The following MAB21L1 variants were observed in gnomAD, a reference collection of about 807,000 sequenced individuals.
The protein encoded by MAB21L1 is putative nucleotidyltransferase MAB21L1.
A neutral mutation model predicts 28.9 loss-of-function variants in MAB21L1; 8 were observed. That is an observed-to-expected ratio of 0.28 (90% CI 0.16 to 0.50). MAB21L1 has a LOEUF of 0.50. MAB21L1 is among the 20% of genes least tolerant of loss of function. The pLI, the probability that MAB21L1 is intolerant of heterozygous loss-of-function variation, is 0.98. For synonymous variants in MAB21L1, 219 were observed against 198.2 expected (o/e 1.10, Z -0.88); for missense variants, 388 against 466.5 (o/e 0.83, Z 1.55).
rs1472920171 is a variant in MAB21L1 at position 35,474,552 on chromosome 13, A to G, written c.*507T>C. The G allele has an allele frequency of 6.5e-6, 1 of 153,010 alleles. No homozygotes were observed. Among genetic ancestry groups the G allele is most frequent in the Non-Finnish European group, 1.5e-5 (1 of 68,494 alleles). The allele number at this position is 153,010 out of a possible 1,614,324, so 9.5% of individuals were successfully genotyped here. On this transcript the variant is annotated 3_prime_UTR_variant, in exon 1 of 1. Coordinates refer to ENST00000379919, the MANE Select transcript of MAB21L1 (RefSeq NM_005584.5). ...ATGTCTGGAAGTATCCAGAATGGCA[A>G]TTTAAGTTCTGTTCACCAAATCACA...
In MAB21L1 at chr13:35,475,703, G is replaced by T; in HGVS notation, c.436C>A (p.Arg146=). 6.2e-7 allele frequency: 1 copy of T among 1,613,638 alleles called. No homozygotes were observed. The change falls in exon 1 of 1, where the codon CGG becomes AGG. Residue 146 remains arginine (R), a synonymous_variant. Transcript: ENST00000379919. ...TCTGCCACCATCTTTACCACATCCCGGTAGCTACATTTGTCTACCGCTTGA... is the reference window on the plus strand; with the variant it reads ...TCTGCCACCATCTTTACCACATCCCTGTAGCTACATTTGTCTACCGCTTGA... ...VAQAVDKCSY[R]DVVKMVADTS...
rs766862752 is a variant in MAB21L1, at chr13:35,475,282, G to A, written c.857C>T (p.Pro286Leu). 6.2e-7 allele frequency: 1 copy of A among 1,614,028 alleles called. No individual in the cohort carries two copies. Among genetic ancestry groups the A allele is most frequent in the Non-Finnish European group, 8.5e-7 (1 of 1,180,022 alleles). ...AGACTCGTCCCAGTCCGACTCTCGG[G>A]GATGCTTTTCACACTCGTAGGAAAC... ...TLVSYECEKH[P>L]RESDWDESCL... The change falls in exon 1 of 1, where the codon CCC becomes CTC. Residue 286 changes from proline to leucine, a missense_variant. Physicochemically the swap from Pro to Leu is moderately conservative, Grantham distance 98. Transcript: ENST00000379919.
rs753740350 is a variant in MAB21L1 at position 35,476,051 on chromosome 13, T to G, written c.88A>C (p.Thr30Pro). The G allele has an allele frequency of 6.2e-7, 1 of 1,614,160 alleles. No individual in the cohort carries two copies. The highest frequency in any genetic ancestry group is 8.5e-7 in the Non-Finnish European group (1 of 1,180,032). The stretch of plus-strand genomic sequence containing the variant: ...ACTACTTTGCAGACTTCCCGGATAG[T>G]TTTGGCAATGGCAGCTTTCCTGGCT... ...CQARKAAIAKTIREVCKVVSD... is the reference protein window; with the variant it reads ...CQARKAAIAKPIREVCKVVSD... Residue 30 changes from threonine to proline, a missense_variant, in exon 1 of 1, where the codon ACT (threonine) becomes CCT (proline). By Grantham distance (38) the Thr-to-Pro change is conservative (BLOSUM62 -1). Coordinates refer to ENST00000379919, the MANE Select transcript of MAB21L1 (RefSeq NM_005584.5).
At position 35,476,400 on chromosome 13, in the gene MAB21L1, A is replaced by G. The variant is rs1764091023; in HGVS notation, c.-262T>C. The G allele has an allele frequency of 9.4e-7, 1 of 1,062,972 alleles. No homozygotes were observed. Among genetic ancestry groups the G allele is most frequent in the African/African-American group, 1.5e-5 (1 of 64,534 alleles). 65.8% of individuals were successfully genotyped at this position (1,062,972 alleles called of 1,614,324 possible). On this transcript the variant is annotated 5_prime_UTR_variant, in exon 1 of 1. Coordinates refer to ENST00000379919, the MANE Select transcript of MAB21L1 (RefSeq NM_005584.5). ...TGAGCCCAGCCGTTCTTAAAGTGAA[A>G]GACTGTCCTCCCCCCTCTGCTTGTC...
At position 35,475,132 on chromosome 13, in the gene MAB21L1, T is replaced by A; in HGVS notation, c.1007A>T (p.Glu336Val). The A allele has an allele frequency of 6.2e-7, 1 of 1,614,144 alleles. No individual in the cohort carries two copies. Among genetic ancestry groups the A allele is most frequent in the East Asian group, 2.2e-5 (1 of 44,858 alleles). The change falls in exon 1 of 1, where the codon GAA becomes GTA. Residue 336 changes from glutamate to valine, a missense_variant. By Grantham distance (121) the Glu-to-Val change is moderately radical. This residue lies in a region of MAB21L1 where 218 missense variants were observed against 220.6 expected (regional missense o/e 0.99). Coordinates refer to ENST00000379919, the MANE Select transcript of MAB21L1 (RefSeq NM_005584.5). ...TCGCCACGTTTGTTTGGCAGCGTTT[T>A]CCAGAGCTGAGTGAGGTTTGCCTTG... ...LFQGKPHSAL[E>V]NAAKQTWRLA...
At position 35,474,770 on chromosome 13, in the gene MAB21L1, G is replaced by A. The variant is rs1162151512; in HGVS notation, c.*289C>T. 1 of 331,616 alleles carries A rather than the reference G, an allele frequency of 3.0e-6. No individual in the cohort carries two copies. Among genetic ancestry groups the A allele is most frequent in the Non-Finnish European group, 5.5e-6 (1 of 181,928 alleles). The allele number at this position is 331,616 out of a possible 1,614,324, so 20.5% of individuals were successfully genotyped here. A position where few individuals can be genotyped will look rare whatever the true frequency, so the allele number is the denominator to read the frequency against. ...GTGTTCGTCTCGGTCTGGCGTTACAGCTGGGCTGTTTACGGAGTGTTACGG... is the reference window on the plus strand; with the variant it reads ...GTGTTCGTCTCGGTCTGGCGTTACAACTGGGCTGTTTACGGAGTGTTACGG... On this transcript the variant is annotated 3_prime_UTR_variant, in exon 1 of 1. Transcript: ENST00000379919.
Position 35,475,580 on chromosome 13 carries a change from A to T in MAB21L1, c.559T>A (p.Trp187Arg). The T allele has an allele frequency of 6.2e-7, 1 of 1,613,484 alleles. No homozygotes were observed. Among genetic ancestry groups the T allele is most frequent in the African/African-American group, 1.3e-5 (1 of 74,874 alleles). Reference sequence around the variant, plus strand: ...GGCCAGGGGATGTGGGGAAGTGGCCAGTGGGCAGCACTCCTCGGCCAGATC... The same window carrying T: ...GGCCAGGGGATGTGGGGAAGTGGCCTGTGGGCAGCACTCCTCGGCCAGATC... ...TGIWPRSAAH[W>R]PLPHIPWPGP... is the part of the protein sequence containing the mutation. The change falls in exon 1 of 1, where the codon TGG becomes AGG. Residue 187 changes from tryptophan to arginine, a missense_variant. Trp to Arg is a moderately radical substitution (Grantham distance 101). Around this residue, in one of 3 missense-constraint regions of MAB21L1, gnomAD observed 218 missense variants for 220.6 expected, o/e 0.99. Coordinates refer to ENST00000379919, the MANE Select transcript of MAB21L1 (RefSeq NM_005584.5).
In MAB21L1 at chr13:35,475,923, G is replaced by T; in HGVS notation, c.216C>A (p.Thr72=). 1 of 1,614,168 alleles carries T rather than the reference G, an allele frequency of 6.2e-7. No individual in the cohort carries two copies. The highest frequency in any genetic ancestry group is 8.5e-7 in the Non-Finnish European group (1 of 1,180,042). The change falls in exon 1 of 1, where the codon ACC becomes ACA. Residue 72 remains threonine, a synonymous_variant. Coordinates refer to ENST00000379919, the MANE Select transcript of MAB21L1 (RefSeq NM_005584.5). ...RYEGLEVISP[T]EFEVVLYLNQ... ...TGAGATAAAGCACCACTTCAAATTC[G>T]GTGGGGGAGATGACCTCGAGGCCCT...
Position 35,476,497 on chromosome 13 carries a change from C to G in MAB21L1, c.-359G>C. 2.9e-6 allele frequency: 2 copies of G among 701,196 alleles called. No individual in the cohort carries two copies. The highest frequency in any genetic ancestry group is 4.9e-6 in the Non-Finnish European group (2 of 409,376). The allele number at this position is 701,196 out of a possible 1,614,324, so 43.4% of individuals were successfully genotyped here. A position where few individuals can be genotyped will look rare whatever the true frequency, so the allele number is the denominator to read the frequency against. Reference sequence around the variant, plus strand: ...AGATCACCTTCTCAGGAATAAAAAACAAAAGTTGCGCTGAGACCCAGCAAA... The same window carrying G: ...AGATCACCTTCTCAGGAATAAAAAAGAAAAGTTGCGCTGAGACCCAGCAAA... On this transcript the variant is annotated 5_prime_UTR_variant, in exon 1 of 1. Transcript: ENST00000379919.
rs2075847436 is a variant in MAB21L1 at position 35,476,044 on chromosome 13, C to T, written c.95G>A (p.Arg32Gln). The change falls in exon 1 of 1, where the codon CGG (arginine) becomes CAG (glutamine). Residue 32 changes from arginine (R) to glutamine (Q), a missense_variant. Arg to Gln is a conservative substitution (Grantham distance 43). This residue lies in a region of MAB21L1 where 89 missense variants were observed against 92.2 expected (regional missense o/e 0.97). Transcript: ENST00000379919. Reference sequence around the variant, plus strand: ...GTCGGAAACTACTTTGCAGACTTCCCGGATAGTTTTGGCAATGGCAGCTTT... The same window carrying T: ...GTCGGAAACTACTTTGCAGACTTCCTGGATAGTTTTGGCAATGGCAGCTTT... Reference protein sequence around the residue: ...ARKAAIAKTIREVCKVVSDVL... With the variant: ...ARKAAIAKTIQEVCKVVSDVL... 3 of 1,614,150 alleles carry T rather than the reference C, an allele frequency of 1.9e-6. No homozygotes were observed. Among genetic ancestry groups the T allele is most frequent in the Non-Finnish European group, 2.5e-6 (3 of 1,180,040 alleles).
At position 35,476,327 on chromosome 13, in the gene MAB21L1, CTG is replaced by C; in HGVS notation, c.-191_-190del. 3 of 1,200,544 alleles carry C rather than the reference CTG, an allele frequency of 2.5e-6. No individual in the cohort carries two copies. The South Asian group carries it at 4.1e-5, about 16-fold the overall frequency. 74.4% of individuals were successfully genotyped at this position (1,200,544 alleles called of 1,614,324 possible). On this transcript the variant is annotated 5_prime_UTR_variant, in exon 1 of 1. Transcript: ENST00000379919. ...GCTGCTGCTGCTGCTGCTGCTGCTG[CTG>C]CTGCTGCTGCTGCTGCTGCTGCTGC...
Position 35,476,176 on chromosome 13 carries a change from C to T in MAB21L1, c.-38G>A. On this transcript the variant is annotated 5_prime_UTR_variant, in exon 1 of 1. Transcript: ENST00000379919. ...ATCCGGATTGTACACCGGAGTCTCG[C>T]AGTAAGCTGTGGGATCCAATGCGGC... is the stretch of plus-strand genomic sequence containing the variant. 1 of 1,611,618 alleles carries T rather than the reference C, an allele frequency of 6.2e-7. No individual in the cohort carries two copies. Among genetic ancestry groups the T allele is most frequent in the Non-Finnish European group, 8.5e-7 (1 of 1,178,170 alleles).
rs760929996 is a variant in MAB21L1 at position 35,475,343 on chromosome 13, C to A, written c.796G>T (p.Gly266Cys). ...TLRDRHLELP[G>C]QPLNNYHMKT... is the part of the protein sequence containing the mutation. ...ATATGGTAATTGTTCAAGGGCTGGC[C>A]CGGCAGTTCAAGGTGACGATCCCTT... Residue 266 changes from glycine to cysteine, a missense_variant, in exon 1 of 1, where the codon GGC becomes TGC. By Grantham distance (159) the Gly-to-Cys change is radical (BLOSUM62 -3). Transcript: ENST00000379919. The A allele has an allele frequency of 4.3e-6, 7 of 1,613,922 alleles. No homozygotes were observed. The highest frequency in any genetic ancestry group is 3.4e-6 in the Non-Finnish European group (4 of 1,179,964).
rs558385939 is a variant in MAB21L1, at chr13:35,474,867, C to T, written c.*192G>A. Reference sequence around the variant, plus strand: ...AATACTAGTGGCTTTGGGTTTTTCTCCATCCGCTTCCCCTACTTTTTCTCC... The same window carrying T: ...AATACTAGTGGCTTTGGGTTTTTCTTCATCCGCTTCCCCTACTTTTTCTCC... On this transcript the variant is annotated 3_prime_UTR_variant, in exon 1 of 1. Transcript: ENST00000379919. The T allele has an allele frequency of 1.4e-4, 92 of 668,946 alleles. No individual in the cohort carries two copies. Among genetic ancestry groups the T allele is most frequent in the Non-Finnish European group, 2.1e-4 (87 of 411,842 alleles). 41.4% of individuals were successfully genotyped at this position (668,946 alleles called of 1,614,324 possible).
chr13:35,476,665 A>C lies in MAB21L1; in HGVS notation c.-527T>G. On this transcript the variant is annotated 5_prime_UTR_variant, in exon 1 of 1. Transcript: ENST00000379919. The stretch of plus-strand genomic sequence containing the variant: ...GGGTGAGTGTGCGTGTGTATATGTC[A>C]GAAGAAGCTGCTGTTGGTTTGTCTA... 1.5e-6 allele frequency: 1 copy of C among 665,714 alleles called. No homozygotes were observed. The highest frequency in any genetic ancestry group is 2.1e-6 in the Non-Finnish European group (1 of 467,066). 41.2% of individuals were successfully genotyped at this position (665,714 alleles called of 1,614,324 possible). A position where few individuals can be genotyped will look rare whatever the true frequency, so the allele number is the denominator to read the frequency against.
Position 35,475,851 on chromosome 13 carries a change from G to A in MAB21L1, c.288C>T (p.Gly96=), listed in dbSNP as rs1252184484. The A allele has an allele frequency of 6.2e-7, 1 of 1,613,958 alleles. No homozygotes were observed. Among genetic ancestry groups the A allele is most frequent in the African/African-American group, 1.3e-5 (1 of 74,908 alleles). The change falls in exon 1 of 1, where the codon GGC becomes GGT. Residue 96 remains glycine, a synonymous_variant. Coordinates refer to ENST00000379919, the MANE Select transcript of MAB21L1 (RefSeq NM_005584.5). ...CGTCGCTCAACTTCAGCACCGCGCA[G>A]CCGGGCAGTGAGCCATCGTCCACGA... The part of the protein sequence containing the change: ...FNFVDDGSLP[G]CAVLKLSDGR...
chr13:35,476,457 G>C lies in MAB21L1; in HGVS notation c.-319C>G, dbSNP rs2075877902. The C allele has an allele frequency of 8.1e-6, 7 of 861,572 alleles. No homozygotes were observed. The highest frequency in any genetic ancestry group is 1.3e-5 in the Non-Finnish European group (7 of 525,774). The allele number at this position is 861,572 out of a possible 1,614,324, so 53.4% of individuals were successfully genotyped here. On this transcript the variant is annotated 5_prime_UTR_variant, in exon 1 of 1. Transcript: ENST00000379919. ...CCTCTTTTAAAGAATCCTTGTGTGAGAGAACCGCATGGAGAGATCACCTTC... is the reference window on the plus strand; with the variant it reads ...CCTCTTTTAAAGAATCCTTGTGTGACAGAACCGCATGGAGAGATCACCTTC...
Position 35,474,877 on chromosome 13 carries a change from C to G in MAB21L1, c.*182G>C. 1 of 720,940 alleles carries G rather than the reference C, an allele frequency of 1.4e-6. No homozygotes were observed. The allele number at this position is 720,940 out of a possible 1,614,324, so 44.7% of individuals were successfully genotyped here. ...GCTTTGGGTTTTTCTCCATCCGCTT[C>G]CCCTACTTTTTCTCCCCTTGTGGGG... On this transcript the variant is annotated 3_prime_UTR_variant, in exon 1 of 1. Coordinates refer to ENST00000379919, the MANE Select transcript of MAB21L1 (RefSeq NM_005584.5).
chr13:35,473,980 T>C lies in MAB21L1; in HGVS notation c.*1079A>G, dbSNP rs561125032. Among the ~76,000 whole-genome samples, 3 of 152,290 alleles carry C rather than the reference T, an allele frequency of 2.0e-5. No individual in the cohort carries two copies. The highest frequency in any genetic ancestry group is 7.2e-5 in the African/African-American group (3 of 41,584). ...GCAAGCTTTCAAAGGTAGATTTAAA[T>C]TGTTTCTGTTGTAGAAAGGAATTGT... On this transcript the variant is annotated 3_prime_UTR_variant, in exon 1 of 1. Coordinates refer to ENST00000379919, the MANE Select transcript of MAB21L1 (RefSeq NM_005584.5).
Sources: gnomAD v4.1 joint callset for allele counts (sites outside exome capture counted in the v4.1 genomes callset) on GRCh38, gnomAD v4.1.1 for gene constraint, gnomAD v4.1.1 regional missense constraint, MANE v1.5 for transcripts, NCBI Gene and HGNC (gene_info 2026-07-23, HGNC 2026-07-21) for gene names.